ZFP64: variants seen among roughly 807,000 people sequenced by gnomAD.
ZFP64 encodes the protein ZFP64 zinc finger protein, also known as zinc finger protein 64.
ZFP64 carries 14 observed loss-of-function variants against 51.6 expected under a neutral mutation model. That is an observed-to-expected ratio of 0.27 (90% CI 0.18 to 0.42). ZFP64 has a LOEUF of 0.42. Among genes scored for constraint, ZFP64 ranks in the 10% least tolerant of loss-of-function variants. The probability of loss-of-function intolerance (pLI) is 1.00; values close to 1 mark genes in which losing one functional copy is unlikely to be tolerated. For missense variants in ZFP64, 754 were observed against 906.8 expected (o/e 0.83, Z 2.16); for synonymous variants, 375 against 361.4 (o/e 1.04, Z -0.43).
intron 5 of ZFP64, among the ~76,000 whole-genome samples, chr20:52,140,616 G>A (rs866820810): frequency 1.3e-5 from 2 of 152,164 alleles, no homozygotes; most frequent in Non-Finnish European, 2.9e-5. Flanking sequence ...GCTAGCAGAA[G>A]TTGGTTCAGG....
chr20:52,135,362 T>C (rs1979918304), intron 5 of ZFP64, among the ~76,000 whole-genome samples: 1 of 152,208 alleles, frequency 6.6e-6, no homozygotes, highest in African/African-American at 2.4e-5. Flanking sequence ...AGAGAAGATA[T>C]GGCCCACAAA....
intron 2 of ZFP64, among the ~76,000 whole-genome samples, chr20:52,185,309 C>A (rs1983881921): frequency 6.6e-6 from 1 of 152,164 alleles, no homozygotes. Flanking sequence ...CAGGCATGAG[C>A]CACCGTGCCT....
At chr20:52,188,291 A>G (rs1600826730) in intron 1 of ZFP64, among the ~76,000 whole-genome samples, 1 of 143,922 alleles carries the variant, frequency 6.9e-6, no homozygotes, top group Non-Finnish European at 1.5e-5. Flanking sequence ...TGGCAGGGAC[A>G]TTATTTCTTT....
chr20:52,090,438 G>A (rs756188455), intron 7 of ZFP64, among the ~76,000 whole-genome samples: 13 of 152,150 alleles, frequency 8.5e-5, no homozygotes, highest in Non-Finnish European at 1.5e-4. Flanking sequence ...AGGTAAGATG[G>A]CAATATGAGA....
intron 5 of ZFP64, among the ~76,000 whole-genome samples, chr20:52,111,990 G>A (rs554782483): frequency 6.0e-5 from 9 of 150,766 alleles, no homozygotes; most frequent in Middle Eastern, 3.5e-3. Flanking sequence ...GCTGAGGCAC[G>A]AGAATCGCTT....
chr20:52,163,143 C>T (rs990160540), intron 4 of ZFP64, among the ~76,000 whole-genome samples: 1 of 152,096 alleles, frequency 6.6e-6, no homozygotes, highest in African/African-American at 2.4e-5. Flanking sequence ...GGTGGATCAC[C>T]CAACGTCGGG....
At chr20:52,142,173 T>C (rs1488580514) in intron 5 of ZFP64, among the ~76,000 whole-genome samples, 5 of 151,808 alleles carry the variant, frequency 3.3e-5, no homozygotes, top group Non-Finnish European at 7.4e-5. Flanking sequence ...TCGAGACCAG[T>C]CTGGCCAAGA....
At chr20:52,175,984 C>T in intron 2 of ZFP64, 1 of 985,542 alleles carries the variant, frequency 1.0e-6, no homozygotes, top group Non-Finnish European at 1.2e-6. Flanking sequence ...CCAAATGTCC[C>T]TCCCCAGGGG....
chr20:52,098,459 T>C, exon 6 of ZFP64: 1 of 1,614,034 alleles, frequency 6.2e-7, no homozygotes, highest in Admixed American at 1.7e-5. Context: ...CAGTTGAACG[T>C]CCTCTCTCCA....
At position 52,085,147 on chromosome 20, in the gene ZFP64, G is replaced by A. The variant is rs373215737; in HGVS notation, c.1348C>T (p.Arg450Cys). The change falls in exon 9 of 9, where the codon CGC (arginine) becomes TGC (cysteine). Residue 450 changes from arginine to cysteine, a missense_variant. By Grantham distance (180) the Arg-to-Cys change is radical. Coordinates refer to the ZFP64 transcript ENST00000361387. The surrounding 1 kb of genome is among the most constrained non-coding windows in gnomAD (Gnocchi z 4.3). Reference sequence around the variant, plus strand: ...TTGAGATTCGCCTTCATGGTGCAGCGGACGTCGCAGAACTCGCACTTGAAA... The same window carrying A: ...TTGAGATTCGCCTTCATGGTGCAGCAGACGTCGCAGAACTCGCACTTGAAA... 3.1e-6 allele frequency: 5 copies of A among 1,614,110 alleles called. No homozygotes were observed. The highest frequency in any genetic ancestry group is 1.3e-5 in the African/African-American group (1 of 74,934).
chr20:52,126,033 T>G (rs2122866361), intron 5 of ZFP64, among the ~76,000 whole-genome samples: 1 of 152,166 alleles, frequency 6.6e-6, no homozygotes, highest in East Asian at 1.9e-4. Context: ...TCTGAGTAGC[T>G]GGGATTACAG....
intron 8 of ZFP64, among the ~76,000 whole-genome samples, chr20:52,086,759 T>G (rs1470505744): frequency 6.6e-6 from 1 of 152,204 alleles, no homozygotes; most frequent in East Asian, 1.9e-4. Flanking sequence ...ATTACAGGCT[T>G]GAGCCACCGC....
chr20:52,161,066 G>A (rs1235282034), intron 4 of ZFP64, among the ~76,000 whole-genome samples: 1 of 152,148 alleles, frequency 6.6e-6, no homozygotes, highest in Middle Eastern at 3.2e-3. Context: ...TCATGTAATA[G>A]AATGAGGTGG....
intron 5 of ZFP64, among the ~76,000 whole-genome samples, chr20:52,156,593 G>C (rs1981340741): frequency 6.6e-6 from 1 of 152,188 alleles, no homozygotes; most frequent in African/African-American, 2.4e-5. Flanking sequence ...ATGGGAACCA[G>C]AAAAAGCATA....
At position 52,109,799 on chromosome 20, in the gene ZFP64, A is replaced by AAG. The variant is rs1555880828; in HGVS notation, c.764-11213_764-11212insCT. Among the ~76,000 whole-genome samples the AAG allele has an allele frequency of 8.8e-3, 1,320 of 150,856 alleles. 12 individuals carry two copies. The highest frequency in any genetic ancestry group is 0.03 in the African/African-American group (1,234 of 40,546). ...CCACCTCAAAAAAAAAAAAAAAAAA[A>AAG]AAAGAAAAAAATTTGTTGCTAATTT... On this transcript the variant is annotated intron_variant, in intron 5 of 8. Transcript: ENST00000361387.
rs1358362517 is a variant in ZFP64 at position 52,191,707 on chromosome 20, GA to G, written c.-72del. ...GGGACGCTGATCTACATGGTGCAAG[GA>G]CTTTTCCTTTTATTTTTCCACACCC... On this transcript the variant is annotated 5_prime_UTR_variant, in exon 1 of 6. Transcript: ENST00000216923. This position sits in a 1 kb window ranked among gnomAD's most constrained non-coding sequence, Gnocchi z 4.3. The G allele has an allele frequency of 6.1e-6, 9 of 1,481,880 alleles. No homozygotes were observed. The African/African-American group carries it at 1.3e-4, about 21-fold the overall frequency. The allele number at this position is 1,481,880 out of a possible 1,614,324, so 91.8% of individuals were successfully genotyped here. A position where few individuals can be genotyped will look rare whatever the true frequency, so the allele number is the denominator to read the frequency against.
intron 5 of ZFP64, among the ~76,000 whole-genome samples, chr20:52,130,330 C>G (rs552884075): frequency 6.6e-6 from 1 of 152,310 alleles, no homozygotes; most frequent in East Asian, 1.9e-4. Context: ...CCTCCCACCT[C>G]AGCCTCCAAA....
intron 4 of ZFP64, among the ~76,000 whole-genome samples, chr20:52,164,173 T>C (rs778065021): frequency 2.6e-4 from 40 of 151,920 alleles, no homozygotes; most frequent in Non-Finnish European, 4.9e-4. Context: ...ATTAGCCAGG[T>C]GTGGTGGCGT....
At chr20:52,099,794 G>T (rs1416437788) in intron 5 of ZFP64, among the ~76,000 whole-genome samples, 1 of 152,198 alleles carries the variant, frequency 6.6e-6, no homozygotes, top group African/African-American at 2.4e-5. Flanking sequence ...CAATGGATGA[G>T]AATTCACTAT....
Sources: allele counts gnomAD v4.1 joint callset (sites outside exome capture counted in the v4.1 genomes callset), GRCh38; gene constraint gnomAD v4.1.1; non-coding constraint Gnocchi (gnomAD v3.1); transcripts MANE v1.5; gene names NCBI Gene and HGNC (gene_info 2026-07-23, HGNC 2026-07-21).